PAM: variants seen among roughly 807,000 people sequenced by gnomAD.
The protein encoded by PAM is peptidylglycine alpha-amidating monooxygenase.
A neutral mutation model predicts 122.1 loss-of-function variants in PAM; 72 were observed. The ratio of observed to expected loss-of-function variants is 0.59; its 90% CI spans 0.49 to 0.72. The LOEUF is 0.72. Ranked by LOEUF, PAM falls within the 30% of genes least tolerant of loss-of-function variation. PAM has a pLI of 0.00. For synonymous variants in PAM, 389 were observed against 404.4 expected, an observed-to-expected ratio of 0.96 and a Z score of 0.46; for missense variants, 1,106 against 1,183.7, an observed-to-expected ratio of 0.93 and a Z score of 0.96.
chr5:102,870,127 T>C (rs1371660423), intron 3 of PAM, among the ~76,000 whole-genome samples: 2 of 149,384 alleles, frequency 1.3e-5, no homozygotes, highest in African/African-American at 2.5e-5. Context: ...TCGCAGACAA[T>C]CAAGAAGAGC....
intron 1 of PAM, among the ~76,000 whole-genome samples, chr5:102,838,788 A>G (rs1777770773): frequency 6.6e-6 from 1 of 152,170 alleles, no homozygotes; most frequent in South Asian, 2.1e-4. Flanking sequence ...TGAATGTCTA[A>G]TTCTGCATTA....
chr5:102,999,407 G>T (rs1272508656), intron 16 of PAM, among the ~76,000 whole-genome samples: 1 of 152,236 alleles, frequency 6.6e-6, no homozygotes, highest in Non-Finnish European at 1.5e-5. Context: ...TTGAGTGTCT[G>T]TTGCCTTTCC....
chr5:102,962,941 T>G (rs1762931473), intron 14 of PAM, among the ~76,000 whole-genome samples: 2 of 151,878 alleles, frequency 1.3e-5, no homozygotes, highest in Admixed American at 6.6e-5. Context: ...TAAGAAATTA[T>G]TTTCCTGCAG....
intron 1 of PAM, among the ~76,000 whole-genome samples, chr5:102,815,776 G>A (rs978691708): frequency 6.6e-6 from 1 of 152,156 alleles, no homozygotes; most frequent in Non-Finnish European, 1.5e-5. Context: ...TGAAAGACTG[G>A]TGGTGCAGAA....
intron 7 of PAM, among the ~76,000 whole-genome samples, chr5:102,939,616 A>G (rs1754429565): frequency 6.6e-6 from 1 of 152,114 alleles, no homozygotes; most frequent in African/African-American, 2.4e-5. Context: ...CTACTTTTCA[A>G]TTTAGAAGTG....
chr5:102,815,029 C>T (rs1185793046), intron 1 of PAM, among the ~76,000 whole-genome samples: 1 of 151,982 alleles, frequency 6.6e-6, no homozygotes, highest in Non-Finnish European at 1.5e-5. Flanking sequence ...ACTTTTATTC[C>T]TCTATCTTCC....
At chr5:103,010,249 T>A (rs1780225300) in intron 21 of PAM, among the ~76,000 whole-genome samples, 1 of 152,200 alleles carries the variant, frequency 6.6e-6, no homozygotes, top group Non-Finnish European at 1.5e-5. Context: ...ACTCTTAAAG[T>A]TCTCTTAGAC....
At chr5:102,915,240 T>C (rs1802746776) in intron 5 of PAM, among the ~76,000 whole-genome samples, 1 of 152,134 alleles carries the variant, frequency 6.6e-6, no homozygotes, top group South Asian at 2.1e-4. Context: ...CCTTTCTCTG[T>C]GCATCCTAAC....
intron 1 of PAM, chr5:102,838,219 A>G (rs1413269654): frequency 1.3e-5 from 2 of 152,070 alleles, no homozygotes; most frequent in Non-Finnish European, 2.9e-5. Flanking sequence ...GATTTTTGGC[A>G]GAGTCTTTTA....
At chr5:102,896,240 T>C (rs1796189497) in intron 3 of PAM, among the ~76,000 whole-genome samples, 1 of 151,704 alleles carries the variant, frequency 6.6e-6, no homozygotes, top group East Asian at 1.9e-4. Context: ...GAAGAGCGCT[T>C]GCCAGGAGAG....
intron 1 of PAM, among the ~76,000 whole-genome samples, chr5:102,828,710 A>G (rs1774408220): frequency 6.6e-6 from 1 of 152,216 alleles, no homozygotes; most frequent in Non-Finnish European, 1.5e-5. Context: ...GCAGATAGAA[A>G]TGTAAATGTC....
chr5:102,977,512 A>G (rs1306716177), intron 15 of PAM, among the ~76,000 whole-genome samples: 1 of 152,026 alleles, frequency 6.6e-6, no homozygotes, highest in Admixed American at 6.6e-5. Flanking sequence ...AAAACTCTGA[A>G]CAATTGTGAA....
intron 16 of PAM, among the ~76,000 whole-genome samples, chr5:102,998,776 CTT>C (rs1367575593): frequency 2.6e-5 from 4 of 152,042 alleles, no homozygotes; most frequent in Non-Finnish European, 4.4e-5. Flanking sequence ...GGTTTTAACT[CTT>C]AATAGCAGAA....
intron 19 of PAM, among the ~76,000 whole-genome samples, chr5:103,007,222 C>CACACAT (rs1554171198): frequency 3.3e-5 from 5 of 151,244 alleles, no homozygotes; most frequent in African/African-American, 1.2e-4. Context: ...CACACACACA[C>CACACAT]GTCTTGTAAG....
At position 103,025,325 on chromosome 5, in the gene PAM, G is replaced by C. The variant is rs1784646920; in HGVS notation, c.2680G>C (p.Ala894Pro). The C allele has an allele frequency of 1.2e-6, 2 of 1,613,312 alleles. No individual in the cohort carries two copies. The highest frequency in any genetic ancestry group is 1.7e-6 in the Non-Finnish European group (2 of 1,179,418). ...AIFIRWKKSR[A>P]FGDSEHKLET... ...ATTTATTCGGTGGAAAAAATCAAGG[G>C]CCTTTGGAGGCAAGTAAAATGAGCC... is the stretch of plus-strand genomic sequence containing the variant. The change falls in exon 24 of 26, where the codon GCC (alanine) becomes CCC (proline). Residue 894 changes from alanine (A) to proline (P), a missense_variant. By Grantham distance (27) the Ala-to-Pro change is conservative. Transcript: ENST00000438793.
chr5:102,806,896 A>G (rs1017137901), intron 1 of PAM, among the ~76,000 whole-genome samples: 2 of 152,210 alleles, frequency 1.3e-5, no homozygotes, highest in African/African-American at 2.4e-5. Flanking sequence ...AATCCATTTT[A>G]CTATTTTTGT....
At chr5:102,866,946 CA>C (rs1463944380) in intron 2 of PAM, among the ~76,000 whole-genome samples, 2 of 152,122 alleles carry the variant, frequency 1.3e-5, no homozygotes, top group African/African-American at 4.8e-5. Context: ...TAACTTGAAA[CA>C]GATATATGTT....
At chr5:102,801,421 A>G (rs1372779701) in intron 1 of PAM, among the ~76,000 whole-genome samples, 1 of 152,196 alleles carries the variant, frequency 6.6e-6, no homozygotes, top group African/African-American at 2.4e-5. Context: ...ACCTTTTAGA[A>G]GCTATTGACA....
chr5:103,013,369 A>G (rs1239815039), intron 21 of PAM, among the ~76,000 whole-genome samples: 1 of 152,128 alleles, frequency 6.6e-6, no homozygotes, highest in Admixed American at 6.6e-5. Flanking sequence ...CAGATTGTTC[A>G]CATTGGCATA....
Sources: allele counts gnomAD v4.1 joint callset (sites outside exome capture counted in the v4.1 genomes callset), GRCh38; gene constraint gnomAD v4.1.1; transcripts MANE v1.5; gene names NCBI Gene and HGNC (gene_info 2026-07-23, HGNC 2026-07-21).